RAD51B: variants seen among roughly 807,000 people sequenced by gnomAD.
The protein encoded by RAD51B is RAD51 paralog B.
A neutral mutation model predicts 42.2 loss-of-function variants in RAD51B; 38 were observed. The ratio of observed to expected loss-of-function variants is 0.90; its 90% CI spans 0.70 to 1.18. The LOEUF is 1.18. RAD51B is among the 50% of genes most tolerant of loss of function. The pLI is 0.00. For synonymous variants in RAD51B, 154 were observed against 145.2 expected, an observed-to-expected ratio of 1.06 and a Z score of -0.43; for missense variants, 373 against 400.7, an observed-to-expected ratio of 0.93 and a Z score of 0.59.
Position 68,370,094 on chromosome 14 carries a change from G to T in RAD51B, c.854-41330G>T, listed in dbSNP as rs534146335. On this transcript the variant is annotated intron_variant, in intron 8 of 10. Transcript: ENST00000471583. Reference sequence around the variant, plus strand: ...TAGTGTTCCATTAGTGGAACACTAAGCTTGTGGGAGTTATTTATATCCTCA... The same window carrying T: ...TAGTGTTCCATTAGTGGAACACTAATCTTGTGGGAGTTATTTATATCCTCA... 6.6e-5 allele frequency among the ~76,000 whole-genome samples: 10 copies of T among 152,278 alleles called. 2 individuals carry two copies. In the South Asian group the frequency reaches 2.1e-3, roughly 32 times the overall value.
intron 10 of RAD51B, among the ~76,000 whole-genome samples, chr14:68,511,435 C>A (rs554426543): frequency 6.6e-6 from 1 of 152,292 alleles, no homozygotes; most frequent in South Asian, 2.1e-4. Flanking sequence ...CCCAGAATCA[C>A]CCTAGGGGGT....
chr14:68,232,022 A>G (rs1485210716), intron 7 of RAD51B, among the ~76,000 whole-genome samples: 1 of 152,206 alleles, frequency 6.6e-6, no homozygotes, highest in African/African-American at 2.4e-5. Context: ...GAAAGAAGAA[A>G]GAGGGCAGTG....
At position 68,675,243 on chromosome 14, in the gene RAD51B, G is replaced by A. The variant is rs554606098; in HGVS notation, c.*11+24387G>A. Among the ~76,000 whole-genome samples the A allele has an allele frequency of 6.6e-5, 10 of 152,186 alleles. No individual in the cohort carries two copies. In the South Asian group the frequency reaches 1.9e-3, roughly 28 times the overall value. On this transcript the variant is annotated intron_variant, in intron 11 of 11. Transcript: ENST00000488612. ...TAACAAACACAGGGAGTTGGGGAGG[G>A]GTCTAAAACAATCTGGGTTAGGGCT...
At chr14:68,504,738 T>C (rs747712706) in intron 10 of RAD51B, among the ~76,000 whole-genome samples, 36 of 139,212 alleles carry the variant, frequency 2.6e-4, no homozygotes, top group Non-Finnish European at 4.3e-4. Context: ...TAATTAATAG[T>C]AATAATCGCA....
chr14:68,135,769 A>G (rs1353871131), intron 7 of RAD51B, among the ~76,000 whole-genome samples: 1 of 152,222 alleles, frequency 6.6e-6, no homozygotes, highest in Non-Finnish European at 1.5e-5. Flanking sequence ...ACAAGCATGC[A>G]CAGGAGAATA....
At chr14:68,605,027 C>A (rs71423319) in intron 10 of RAD51B, among the ~76,000 whole-genome samples, 24,220 of 152,204 alleles carry the variant, frequency 0.16, 2,139 homozygotes, top group Non-Finnish European at 0.2. Context: ...CGGTGTGGCC[C>A]AGGCGGTGCT....
chr14:68,280,531 G>A (rs1284890882), intron 7 of RAD51B, among the ~76,000 whole-genome samples: 2 of 152,146 alleles, frequency 1.3e-5, no homozygotes, highest in African/African-American at 4.8e-5. Context: ...TTACCTCACT[G>A]AGTTGTGAGG....
chr14:67,914,761 T>C (rs1053612422), intron 7 of RAD51B, among the ~76,000 whole-genome samples: 11 of 152,206 alleles, frequency 7.2e-5, no homozygotes, highest in African/African-American at 2.7e-4. Context: ...CCCAAATTAA[T>C]GATCTTGTTG....
intron 7 of RAD51B, among the ~76,000 whole-genome samples, chr14:68,244,273 A>G (rs1214007067): frequency 6.6e-6 from 1 of 152,250 alleles, no homozygotes; most frequent in Non-Finnish European, 1.5e-5. Context: ...CATCAAAAAC[A>G]TAGAAGCTGC....
At chr14:67,986,827 G>T (rs1287971889) in intron 7 of RAD51B, among the ~76,000 whole-genome samples, 1 of 152,144 alleles carries the variant, frequency 6.6e-6, no homozygotes, top group Non-Finnish European at 1.5e-5. Flanking sequence ...TGCTTCCCAG[G>T]TTCAAGTGAT....
chr14:68,353,272 C>A (rs1442040067), intron 8 of RAD51B, among the ~76,000 whole-genome samples: 2 of 152,074 alleles, frequency 1.3e-5, no homozygotes, highest in Non-Finnish European at 2.9e-5. Flanking sequence ...GCTACTTAAC[C>A]CCATAAAGAA....
At chr14:68,277,158 A>G (rs929843146) in intron 7 of RAD51B, among the ~76,000 whole-genome samples, 2 of 152,158 alleles carry the variant, frequency 1.3e-5, no homozygotes, top group African/African-American at 4.8e-5. Flanking sequence ...CTTTGGCTGA[A>G]TTAATGAAGG....
chr14:68,382,546 T>C (rs886934011), intron 8 of RAD51B, among the ~76,000 whole-genome samples: 4 of 152,220 alleles, frequency 2.6e-5, no homozygotes, highest in African/African-American at 7.2e-5. Context: ...GATGACACTA[T>C]GTCAGGCTCT....
At chr14:68,374,136 C>CA (rs1286548311) in intron 8 of RAD51B, among the ~76,000 whole-genome samples, 1 of 152,204 alleles carries the variant, frequency 6.6e-6, no homozygotes, top group Non-Finnish European at 1.5e-5. Flanking sequence ...CCCATATAGT[C>CA]AATCCTGGCA....
intron 10 of RAD51B, among the ~76,000 whole-genome samples, chr14:68,609,396 G>A (rs964316338): frequency 1.3e-5 from 2 of 152,000 alleles, no homozygotes; most frequent in East Asian, 3.9e-4. Flanking sequence ...CCCTTACTGA[G>A]CAGGTCCAGG....
intron 9 of RAD51B, among the ~76,000 whole-genome samples, chr14:68,426,547 G>C (rs1178766674): frequency 6.6e-6 from 1 of 152,214 alleles, no homozygotes; most frequent in Non-Finnish European, 1.5e-5. Flanking sequence ...ATATCTGGTA[G>C]AAGAAATTTT....
chr14:68,284,515 A>G (rs1343448818), intron 7 of RAD51B, among the ~76,000 whole-genome samples: 1 of 152,222 alleles, frequency 6.6e-6, no homozygotes, highest in Non-Finnish European at 1.5e-5. Flanking sequence ...TGCCAGAAAT[A>G]AAAGTCTGCC....
At chr14:67,980,499 C>T (rs1566552543) in intron 7 of RAD51B, among the ~76,000 whole-genome samples, 1 of 151,998 alleles carries the variant, frequency 6.6e-6, no homozygotes, top group Non-Finnish European at 1.5e-5. Context: ...GATTTTAAGA[C>T]TTATAAAGCT....
chr14:68,595,175 C>T, exon 11 of RAD51B: 2 of 1,065,568 alleles, frequency 1.9e-6, no homozygotes, highest in Admixed American at 5.3e-5. Flanking sequence ...ATTATCCACT[C>T]TAATGGAGCA....
Sources: allele counts gnomAD v4.1 joint callset (sites outside exome capture counted in the v4.1 genomes callset), GRCh38; gene constraint gnomAD v4.1.1; transcripts MANE v1.5; gene names NCBI Gene and HGNC (gene_info 2026-07-23, HGNC 2026-07-21).